CHIC2: variants seen among roughly 807,000 people sequenced by gnomAD.
The protein encoded by CHIC2 is cysteine rich hydrophobic domain 2.
CHIC2 carries 14 observed loss-of-function variants against 25.9 expected under a neutral mutation model. The observed-to-expected ratio is 0.54, with a 90% CI of 0.36 to 0.85. The LOEUF (loss-of-function observed/expected upper bound fraction) is 0.85. Among genes scored for constraint, CHIC2 ranks in the 40% least tolerant of loss-of-function variants. The probability of loss-of-function intolerance (pLI) is 0.01; values close to 1 mark genes in which losing one functional copy is unlikely to be tolerated. For synonymous variants in CHIC2, 70 were observed against 72.0 expected (o/e 0.97, Z 0.14); for missense variants, 146 against 202.0 (o/e 0.72, Z 1.68).
At chr4:54,071,790 T>C in the CHIC2 span, among the ~76,000 whole-genome samples, 21 of 151,628 alleles carry the variant, frequency 1.4e-4, no homozygotes, top group Non-Finnish European at 2.9e-4. Context: ...CTGGCCAGCA[T>C]GGTGAAACCC....
chr4:54,080,697 T>C, the CHIC2 span, among the ~76,000 whole-genome samples: 3 of 143,642 alleles, frequency 2.1e-5, no homozygotes, highest in Non-Finnish European at 4.5e-5. Flanking sequence ...ACCCAGGAGG[T>C]GGAGGCCGAG....
At chr4:54,037,914 A>T (rs2110076357) in intron 3 of CHIC2, among the ~76,000 whole-genome samples, 1 of 152,140 alleles carries the variant, frequency 6.6e-6, no homozygotes, top group South Asian at 2.1e-4. Flanking sequence ...GGGAAAGAGC[A>T]TTAAATGCTT....
chr4:54,036,491 C>CCA (rs1038913432), intron 3 of CHIC2, among the ~76,000 whole-genome samples: 4 of 151,986 alleles, frequency 2.6e-5, no homozygotes, highest in Admixed American at 2.6e-4. Flanking sequence ...GGGGGAGGTG[C>CCA]CACACACTTT....
rs534015881 is a variant in CHIC2, at chr4:54,018,911, G to A, written c.331-4792C>T. Among the ~76,000 whole-genome samples, 184 of 151,912 alleles carry A rather than the reference G, an allele frequency of 1.2e-3. 1 individual carries two copies. The highest frequency in any genetic ancestry group is 4.4e-3 in the African/African-American group (181 of 41,518). ...AATTTTAAACTCTTAAATCTATAAT[G>A]CATTAATTAACCTTTAACTAAAATG... On this transcript the variant is annotated intron_variant, in intron 3 of 5. Coordinates refer to ENST00000263921, the MANE Select transcript of CHIC2 (RefSeq NM_012110.4).
At chr4:54,050,442 T>A (rs1424518414) in intron 1 of CHIC2, among the ~76,000 whole-genome samples, 1 of 152,102 alleles carries the variant, frequency 6.6e-6, no homozygotes, top group Non-Finnish European at 1.5e-5. Flanking sequence ...ATATTCAAGT[T>A]TATCTTTCCT....
intron 1 of CHIC2, among the ~76,000 whole-genome samples, chr4:54,058,872 A>G (rs1717253162): frequency 6.6e-6 from 1 of 152,132 alleles, no homozygotes; most frequent in South Asian, 2.1e-4. Flanking sequence ...TTTGATTAGT[A>G]TCATAATAAT....
chr4:54,015,335 T>C (rs1033630959), intron 3 of CHIC2, among the ~76,000 whole-genome samples: 1 of 152,118 alleles, frequency 6.6e-6, no homozygotes, highest in African/African-American at 2.4e-5. Flanking sequence ...AGAGTCTTTT[T>C]GGCAAGAATT....
At chr4:54,061,355 G>A (rs1717327434) in intron 1 of CHIC2, 1 of 152,074 alleles carries the variant, frequency 6.6e-6, no homozygotes, top group Admixed American at 6.5e-5. Context: ...TAGAAAAAAA[G>A]AGCAGAAATA....
chr4:54,034,662 T>G (rs1204615011), intron 3 of CHIC2, among the ~76,000 whole-genome samples: 2 of 152,206 alleles, frequency 1.3e-5, no homozygotes, highest in Non-Finnish European at 2.9e-5. Context: ...CTTTAAAGAT[T>G]CTATTGAATT....
intron 3 of CHIC2, among the ~76,000 whole-genome samples, chr4:54,023,901 T>G (rs1715980497): frequency 6.6e-6 from 1 of 152,210 alleles, no homozygotes; most frequent in Non-Finnish European, 1.5e-5. Flanking sequence ...CATCATTAAT[T>G]CCTCTTTAAT....
intron 3 of CHIC2, among the ~76,000 whole-genome samples, chr4:54,016,652 T>C (rs576100083): frequency 6.6e-6 from 1 of 152,128 alleles, no homozygotes; most frequent in African/African-American, 2.4e-5. Flanking sequence ...GCTATAAGAC[T>C]TCTTTCCTGC....
intron 1 of CHIC2, among the ~76,000 whole-genome samples, chr4:54,054,548 A>G (rs1008546546): frequency 5.3e-5 from 8 of 152,238 alleles, no homozygotes; most frequent in African/African-American, 1.9e-4. Flanking sequence ...ATTAATTATA[A>G]TACAACAATC....
the CHIC2 span, among the ~76,000 whole-genome samples, chr4:54,078,473 C>T: frequency 6.6e-6 from 1 of 152,174 alleles, no homozygotes; most frequent in Non-Finnish European, 1.5e-5. Flanking sequence ...GCTGGCCTTT[C>T]ATTTTTCTGT....
At chr4:54,087,343 C>G in the CHIC2 span, 1 of 563,632 alleles carries the variant, frequency 1.8e-6, no homozygotes, top group Non-Finnish European at 3.2e-6. Context: ...ACTTAGTTAC[C>G]AAGCAGAAGC....
chr4:54,073,834 A>C, the CHIC2 span, among the ~76,000 whole-genome samples: 1 of 152,308 alleles, frequency 6.6e-6, no homozygotes, highest in South Asian at 2.1e-4. Flanking sequence ...AAGACAAAGA[A>C]AAATAGATCA....
intron 1 of CHIC2, among the ~76,000 whole-genome samples, chr4:54,061,579 A>G (rs1717335850): frequency 6.6e-6 from 1 of 152,134 alleles, no homozygotes; most frequent in Non-Finnish European, 1.5e-5. Flanking sequence ...AACTGTTCTA[A>G]TAGCTCTTCC....
chr4:54,019,694 T>C (rs1179309534), intron 3 of CHIC2, among the ~76,000 whole-genome samples: 6 of 152,116 alleles, frequency 3.9e-5, no homozygotes, highest in African/African-American at 1.4e-4. Flanking sequence ...TACTAACATT[T>C]TAAAAAACTA....
upstream of CHIC2, among the ~76,000 whole-genome samples, chr4:54,067,925 C>CG (rs879513625): frequency 2.0e-3 from 298 of 151,044 alleles, 1 homozygote; most frequent in Admixed American, 3.9e-3. Flanking sequence ...TTTGTCCCCC[C>CG]CCCCAAATTC....
At chr4:54,070,833 C>T in the CHIC2 span, among the ~76,000 whole-genome samples, 1 of 152,186 alleles carries the variant, frequency 6.6e-6, no homozygotes, top group Non-Finnish European at 1.5e-5. Context: ...TAACAACACT[C>T]TCAGGATTTT....
Sources: allele counts gnomAD v4.1 joint callset (sites outside exome capture counted in the v4.1 genomes callset), GRCh38; gene constraint gnomAD v4.1.1; transcripts MANE v1.5; gene names NCBI Gene and HGNC (gene_info 2026-07-23, HGNC 2026-07-21).